CLASP1: variants seen among roughly 807,000 people sequenced by gnomAD.
CLASP1 encodes cytoplasmic linker associated protein 1.
A neutral mutation model predicts 192.3 loss-of-function variants in CLASP1; 38 were observed. The observed-to-expected ratio is 0.20, with a 90% CI of 0.15 to 0.26. The LOEUF (loss-of-function observed/expected upper bound fraction) is 0.26, where lower values mean the gene tolerates loss of function less well. Ranked by LOEUF, CLASP1 falls within the 10% of genes least tolerant of loss-of-function variation. CLASP1 has a pLI of 1.00. For synonymous variants in CLASP1, 691 were observed against 712.8 expected, an observed-to-expected ratio of 0.97 and a Z score of 0.49; for missense variants, 1,433 against 1,932.5, an observed-to-expected ratio of 0.74 and a Z score of 4.85.
intron 8 of CLASP1, among the ~76,000 whole-genome samples, chr2:121,497,118 T>C (rs1224953415): frequency 6.6e-6 from 1 of 152,212 alleles, no homozygotes; most frequent in East Asian, 1.9e-4. Flanking sequence ...TAAGTGTATT[T>C]ATTACCACTG....
At chr2:121,522,028 C>T (rs2094469207) in intron 6 of CLASP1, among the ~76,000 whole-genome samples, 1 of 151,310 alleles carries the variant, frequency 6.6e-6, no homozygotes, top group African/African-American at 2.5e-5. Context: ...ACACAAGAAC[C>T]CCAGAAGCAG....
chr2:121,591,618 G>A (rs1395381295), intron 2 of CLASP1, among the ~76,000 whole-genome samples: 1 of 152,214 alleles, frequency 6.6e-6, no homozygotes, highest in African/African-American at 2.4e-5. Context: ...AACGTGCTCA[G>A]CCTCGCTGGT....
At chr2:121,605,156 A>G (rs1166840724) in intron 2 of CLASP1, among the ~76,000 whole-genome samples, 1 of 147,792 alleles carries the variant, frequency 6.8e-6, no homozygotes, top group Non-Finnish European at 1.5e-5. Flanking sequence ...GGTCACATAA[A>G]CAGCCTTGAC....
intron 1 of CLASP1, among the ~76,000 whole-genome samples, chr2:121,609,514 T>C (rs1331365905): frequency 6.6e-6 from 1 of 152,224 alleles, no homozygotes; most frequent in African/African-American, 2.4e-5. Flanking sequence ...TTTGGACTTT[T>C]TTCATGTTTT....
chr2:121,345,028 G>A (rs1454719875), intron 39 of CLASP1, among the ~76,000 whole-genome samples: 2 of 152,144 alleles, frequency 1.3e-5, no homozygotes, highest in Admixed American at 1.3e-4. Flanking sequence ...GCGTGGTGGC[G>A]CACGCCTGTA....
At chr2:121,589,966 G>A (rs963034836) in intron 2 of CLASP1, among the ~76,000 whole-genome samples, 3 of 152,070 alleles carry the variant, frequency 2.0e-5, no homozygotes, top group Non-Finnish European at 2.9e-5. Context: ...CTCTACTGAT[G>A]TTTAATACAC....
At chr2:121,407,980 T>C (rs2149494156) in intron 24 of CLASP1, 7 of 546,066 alleles carry the variant, frequency 1.3e-5, no homozygotes, top group South Asian at 9.9e-5. Context: ...GACAGACAGA[T>C]CACAACCTTG....
chr2:121,533,374 GA>G (rs1409539519), intron 2 of CLASP1, among the ~76,000 whole-genome samples: 7 of 152,164 alleles, frequency 4.6e-5, no homozygotes, highest in Non-Finnish European at 1.0e-4. Flanking sequence ...AGACCACTCT[GA>G]TAATTAACTA....
chr2:121,430,098 G>A (rs140438911), exon 20 of CLASP1: 50 of 1,571,356 alleles, frequency 3.2e-5, no homozygotes, highest in East Asian at 1.9e-4. Context: ...CCACTTTAGC[G>A]CGACTGCGGC....
chr2:121,503,300 G>T, intron 7 of CLASP1, 66 bp from the exon 8 acceptor site: 1 of 954,580 alleles, frequency 1.0e-6, no homozygotes, highest in Non-Finnish European at 1.6e-6. Flanking sequence ...ATATTAAAAT[G>T]CTAATGTGAA....
chr2:121,455,827 A>G (rs1168461606), intron 14 of CLASP1, among the ~76,000 whole-genome samples: 1 of 152,048 alleles, frequency 6.6e-6, no homozygotes, highest in Non-Finnish European at 1.5e-5. Context: ...GTGCCACTGC[A>G]CTCTAGCCTG....
chr2:121,439,909 G>A (rs1043947965), intron 19 of CLASP1, among the ~76,000 whole-genome samples: 30 of 125,516 alleles, frequency 2.4e-4, no homozygotes, highest in African/African-American at 8.4e-4. Context: ...ACAGGGAGGG[G>A]AATATCACAC....
chr2:121,527,681 G>T, intron 5 of CLASP1, 118 bp downstream of exon 5: 1 of 722,930 alleles, frequency 1.4e-6, no homozygotes. Flanking sequence ...TGGGTAAAGG[G>T]GGCATGAGAT....
chr2:121,348,849 G>C, intron 37 of CLASP1, 131 bp from the exon 39 acceptor site: 1 of 828,368 alleles, frequency 1.2e-6, no homozygotes, highest in Non-Finnish European at 1.8e-6. Context: ...GCTTCGCCTG[G>C]CTCAATTGTT....
chr2:121,376,528 G>A (rs996551426), intron 34 of CLASP1, among the ~76,000 whole-genome samples: 3 of 1,032 alleles, frequency 2.9e-3, no homozygotes, highest in Non-Finnish European at 5.6e-3. Context: ...GGAAGGGGTG[G>A]GGGGGGGGTC....
chr2:121,447,292 T>C, intron 19 of CLASP1, 45 bp downstream of exon 19: 1 of 1,523,294 alleles, frequency 6.6e-7, no homozygotes, highest in Non-Finnish European at 8.9e-7. Flanking sequence ...GAGTCATCTC[T>C]TGCAGAGCAG....
exon 35 of CLASP1, chr2:121,367,721 C>A: frequency 6.2e-7 from 1 of 1,614,000 alleles, no homozygotes; most frequent in Non-Finnish European, 8.5e-7. Context: ...CGCGCGGAGG[C>A]TGGGTGTTGA....
chr2:121,626,098 CAAAA>C (rs557488865), intron 1 of CLASP1, among the ~76,000 whole-genome samples: 1 of 111,312 alleles, frequency 9.0e-6, no homozygotes, highest in East Asian at 2.5e-4. Context: ...GACTCCATCT[CAAAA>C]AAAAAAAAAA....
At chr2:121,605,585 T>C in intron 2 of CLASP1, 116 bp downstream of exon 2, 1 of 693,050 alleles carries the variant, frequency 1.4e-6, no homozygotes, top group East Asian at 2.6e-5. Context: ...ATTGAGTGTC[T>C]TACTAGAAAC....
Sources: allele counts gnomAD v4.1 joint callset (sites outside exome capture counted in the v4.1 genomes callset), GRCh38; gene constraint gnomAD v4.1.1; transcripts MANE v1.5; gene names NCBI Gene and HGNC (gene_info 2026-07-23, HGNC 2026-07-21).